The following SPSB4 variants were observed in gnomAD, a reference collection of about 807,000 sequenced individuals.
SPSB4 encodes SPRY domain-containing SOCS box protein 4.
A neutral mutation model predicts 20.9 loss-of-function variants in SPSB4; 21 were observed. The ratio of observed to expected loss-of-function variants is 1.01; its 90% CI spans 0.71 to 1.45. The LOEUF (loss-of-function observed/expected upper bound fraction) is 1.45. Among genes scored for constraint, SPSB4 ranks in the 40% most tolerant of loss-of-function variants. SPSB4 has a pLI of 0.00. For missense variants in SPSB4, 399 were observed against 399.2 expected, an observed-to-expected ratio of 1.00 and a Z score of 0.00; for synonymous variants, 207 against 183.8, an observed-to-expected ratio of 1.13 and a Z score of -1.02.
chr3:141,105,909 G>A (rs1291498697), intron 2 of SPSB4, among the ~76,000 whole-genome samples: 1 of 152,172 alleles, frequency 6.6e-6, no homozygotes, highest in Non-Finnish European at 1.5e-5. Flanking sequence ...TTTCATAAAA[G>A]AGAATCCGTG....
chr3:141,054,664 G>A (rs1330979694), intron 1 of SPSB4, among the ~76,000 whole-genome samples: 1 of 152,188 alleles, frequency 6.6e-6, no homozygotes, highest in African/African-American at 2.4e-5. Context: ...ATTGAGTTCA[G>A]AACTTACTCC....
chr3:141,093,217 G>A (rs1389305356), intron 2 of SPSB4, among the ~76,000 whole-genome samples: 2 of 152,058 alleles, frequency 1.3e-5, no homozygotes, highest in East Asian at 3.9e-4. Flanking sequence ...AGTCTGTAGA[G>A]AAAAAAATCA....
chr3:141,062,478 C>T (rs891246324), intron 1 of SPSB4, among the ~76,000 whole-genome samples: 1 of 152,028 alleles, frequency 6.6e-6, no homozygotes, highest in Non-Finnish European at 1.5e-5. Context: ...TTTTATTATG[C>T]TCCATTCATT....
chr3:141,136,815 C>T (rs568519908), intron 2 of SPSB4, among the ~76,000 whole-genome samples: 4 of 152,200 alleles, frequency 2.6e-5, no homozygotes, highest in South Asian at 4.2e-4. Context: ...ATTGACTTGG[C>T]GATGTGGGCT....
intron 1 of SPSB4, 115 bp from the exon 2 acceptor site, chr3:141,065,837 T>G: frequency 2.2e-6 from 1 of 445,740 alleles, no homozygotes; most frequent in Non-Finnish European, 3.9e-6. Context: ...AGTGTACGAA[T>G]TATTACTATT....
At chr3:141,070,311 TG>T (rs1937975379) in intron 2 of SPSB4, among the ~76,000 whole-genome samples, 1 of 152,036 alleles carries the variant, frequency 6.6e-6, no homozygotes, top group African/African-American at 2.4e-5. Flanking sequence ...AATTTCTTTT[TG>T]TTGTTGTTGT....
intron 2 of SPSB4, among the ~76,000 whole-genome samples, chr3:141,112,658 A>AAAAAAAAAAAAAAC (rs1938820207): frequency 6.7e-6 from 1 of 149,218 alleles, no homozygotes; most frequent in Non-Finnish European, 1.5e-5. Flanking sequence ...AAAAAAAAAA[A>AAAAAAAAAAAAAAC]AAAAAAAAAA....
At chr3:141,086,279 T>G (rs1236754354) in intron 2 of SPSB4, among the ~76,000 whole-genome samples, 1 of 152,154 alleles carries the variant, frequency 6.6e-6, no homozygotes, top group Non-Finnish European at 1.5e-5. Context: ...TCACATGAAA[T>G]AAAAGAGGGC....
intron 2 of SPSB4, among the ~76,000 whole-genome samples, chr3:141,095,017 T>C (rs1938521664): frequency 6.6e-6 from 1 of 151,898 alleles, no homozygotes; most frequent in African/African-American, 2.4e-5. Context: ...TAGGGATGCA[T>C]TGTATCATAT....
At chr3:141,070,060 CTG>C (rs1413630003) in intron 2 of SPSB4, among the ~76,000 whole-genome samples, 1 of 152,110 alleles carries the variant, frequency 6.6e-6, no homozygotes, top group East Asian at 1.9e-4. Context: ...TTTTGCTACA[CTG>C]TGGAGTGAAA....
intron 1 of SPSB4, among the ~76,000 whole-genome samples, chr3:141,064,249 C>A (rs1576515189): frequency 1.3e-5 from 2 of 152,352 alleles, no homozygotes; most frequent in East Asian, 3.9e-4. Flanking sequence ...CTGTTTTGGG[C>A]AGCCTTTCCT....
intron 2 of SPSB4, among the ~76,000 whole-genome samples, chr3:141,138,988 C>A (rs1939276012): frequency 6.6e-6 from 1 of 152,152 alleles, no homozygotes; most frequent in Admixed American, 6.5e-5. Flanking sequence ...TTGTAGGTTA[C>A]TAAGGACTTC....
chr3:141,075,509 G>A (rs768572574), intron 2 of SPSB4, among the ~76,000 whole-genome samples: 2 of 152,124 alleles, frequency 1.3e-5, no homozygotes, highest in African/African-American at 2.4e-5. Flanking sequence ...CACTTACCCC[G>A]TAGAGTTGTC....
chr3:141,064,848 G>A (rs1937833966), intron 1 of SPSB4, among the ~76,000 whole-genome samples: 1 of 152,182 alleles, frequency 6.6e-6, no homozygotes. Context: ...TCCTAGTGAT[G>A]GTGGCCAATT....
In SPSB4 at chr3:141,051,606, A is replaced by C; in HGVS notation, c.-540A>C. 1 of 141,970 alleles carries C rather than the reference A, an allele frequency of 7.0e-6. No homozygotes were observed. The highest frequency in any genetic ancestry group is 2.5e-5 in the African/African-American group (1 of 39,852). 8.8% of individuals were successfully genotyped at this position (141,970 alleles called of 1,614,324 possible). ...CCGGCGCGCCGGGGGCCAGCGGCCG[A>C]GGCGCGGCCCGTGCGCCCTGAGCGC... On this transcript the variant is annotated 5_prime_UTR_variant, in exon 1 of 3. Coordinates refer to ENST00000310546, the MANE Select transcript of SPSB4 (RefSeq NM_080862.3).
At position 141,066,037 on chromosome 3, in the gene SPSB4, G is replaced by C; in HGVS notation, c.-68G>C. ...GTTCCCAGCCCCGTGGCCCATTCCTGGCTACGGGGAGTGGAGGCTCCCACG... is the reference window on the plus strand; with the variant it reads ...GTTCCCAGCCCCGTGGCCCATTCCTCGCTACGGGGAGTGGAGGCTCCCACG... On this transcript the variant is annotated 5_prime_UTR_variant, in exon 2 of 3. Coordinates refer to ENST00000310546, the MANE Select transcript of SPSB4 (RefSeq NM_080862.3). 2.2e-6 allele frequency: 3 copies of C among 1,363,082 alleles called. No individual in the cohort carries two copies. Among genetic ancestry groups the C allele is most frequent in the Non-Finnish European group, 2.9e-6 (3 of 1,044,604 alleles). 84.4% of individuals were successfully genotyped at this position (1,363,082 alleles called of 1,614,324 possible).
intron 2 of SPSB4, among the ~76,000 whole-genome samples, chr3:141,096,644 C>T (rs1028182860): frequency 3.3e-5 from 5 of 152,198 alleles, no homozygotes; most frequent in South Asian, 2.1e-4. Flanking sequence ...GTGCTGCTCA[C>T]GCATTTGGTA....
At chr3:141,059,003 G>T (rs776485926) in intron 1 of SPSB4, among the ~76,000 whole-genome samples, 5 of 152,160 alleles carry the variant, frequency 3.3e-5, no homozygotes, top group Non-Finnish European at 7.4e-5. Flanking sequence ...AAAGTACCAG[G>T]CTTGTGTCTT....
At chr3:141,068,362 C>T (rs1371698256) in intron 2 of SPSB4, among the ~76,000 whole-genome samples, 1 of 152,158 alleles carries the variant, frequency 6.6e-6, no homozygotes, top group Non-Finnish European at 1.5e-5. Context: ...CATCACAGTG[C>T]CTTGTGGAAA....
Sources: gnomAD v4.1 joint callset for allele counts (sites outside exome capture counted in the v4.1 genomes callset) on GRCh38, gnomAD v4.1.1 for gene constraint, MANE v1.5 for transcripts, NCBI Gene and HGNC (gene_info 2026-07-23, HGNC 2026-07-21) for gene names.